The following COX7B2 variants were observed in gnomAD, a reference collection of about 807,000 sequenced individuals.
COX7B2 encodes cytochrome c oxidase subunit 7B2, also known as cytochrome c oxidase subunit 7B2, mitochondrial.
For missense variants in COX7B2, 109 were observed against 95.9 expected (o/e 1.14, Z -0.57); for synonymous variants, 37 against 32.1 (o/e 1.15, Z -0.51).
chr4:46,816,761 A>T (rs148594465), intron 2 of COX7B2, among the ~76,000 whole-genome samples: 158 of 152,326 alleles, frequency 1.0e-3, no homozygotes, highest in African/African-American at 3.6e-3. Context: ...TCTCATTGAT[A>T]GGTTTTCACT....
chr4:46,808,021 A>G (rs1362802806), intron 2 of COX7B2, among the ~76,000 whole-genome samples: 1 of 151,674 alleles, frequency 6.6e-6, no homozygotes, highest in Non-Finnish European at 1.5e-5. Context: ...TTTAAGTTTC[A>G]TATTGGTTTT....
intron 2 of COX7B2, among the ~76,000 whole-genome samples, chr4:46,796,703 C>A (rs1718368002): frequency 2.6e-5 from 1 of 38,914 alleles, no homozygotes; most frequent in Non-Finnish European, 4.4e-5. Flanking sequence ...AAATGTCCAA[C>A]AATGATAGAC....
At chr4:46,883,504 G>A (rs1389348857) in intron 1 of COX7B2, among the ~76,000 whole-genome samples, 1 of 152,036 alleles carries the variant, frequency 6.6e-6, no homozygotes, top group Non-Finnish European at 1.5e-5. Flanking sequence ...GGGAGTCCAA[G>A]GCGAGTGGAT....
intron 2 of COX7B2, among the ~76,000 whole-genome samples, chr4:46,742,807 G>GGT (rs776492880): frequency 1.4e-4 from 21 of 152,098 alleles, no homozygotes; most frequent in Non-Finnish European, 2.5e-4. Flanking sequence ...GGGATATTGA[G>GGT]GTAGGCACTC....
intron 2 of COX7B2, among the ~76,000 whole-genome samples, chr4:46,813,038 A>G (rs1345006788): frequency 6.6e-6 from 1 of 152,100 alleles, no homozygotes; most frequent in Non-Finnish European, 1.5e-5. Context: ...CCCCACAGTT[A>G]AAAGGCTCCA....
chr4:46,875,030 C>T (rs989929551), intron 1 of COX7B2, among the ~76,000 whole-genome samples: 2 of 152,130 alleles, frequency 1.3e-5, no homozygotes, highest in African/African-American at 4.8e-5. Flanking sequence ...GTTTCCAGGA[C>T]TGTGGCTGGG....
At chr4:46,793,960 C>T (rs1718186877) in intron 2 of COX7B2, among the ~76,000 whole-genome samples, 2 of 152,114 alleles carry the variant, frequency 1.3e-5, no homozygotes. Context: ...GTTTTTCCAC[C>T]TCCTAAGGAA....
chr4:46,859,681 T>C (rs1323800019), intron 1 of COX7B2, among the ~76,000 whole-genome samples: 1 of 152,086 alleles, frequency 6.6e-6, no homozygotes. Context: ...AAAGAAACCA[T>C]CCAGAACCAG....
chr4:46,876,823 C>T (rs1718370408), intron 1 of COX7B2: 1 of 152,186 alleles, frequency 6.6e-6, no homozygotes, highest in African/African-American at 2.4e-5. Flanking sequence ...CAATATTCTC[C>T]TTTGTCATTA....
intron 2 of COX7B2, among the ~76,000 whole-genome samples, chr4:46,754,728 G>GTATATATATATATATATATA (rs56248005): frequency 0.015 from 597 of 39,756 alleles, 38 homozygotes; most frequent in African/African-American, 0.022. Context: ...GTGTGTGTGT[G>GTATATATATATATATATATA]TATATATATA....
intron 1 of COX7B2, among the ~76,000 whole-genome samples, chr4:46,847,782 T>G (rs1298809428): frequency 6.6e-6 from 1 of 151,990 alleles, no homozygotes; most frequent in Non-Finnish European, 1.5e-5. Context: ...CTTGCCAGCT[T>G]TCTCAGAGAG....
At chr4:46,851,596 C>T (rs1186925866) in intron 1 of COX7B2, among the ~76,000 whole-genome samples, 2 of 151,980 alleles carry the variant, frequency 1.3e-5, no homozygotes, top group Non-Finnish European at 2.9e-5. Context: ...ACTAATGGCC[C>T]TTTTCTGTTC....
intron 2 of COX7B2, among the ~76,000 whole-genome samples, chr4:46,803,404 T>G (rs1213959237): frequency 1.3e-5 from 2 of 152,148 alleles, no homozygotes; most frequent in East Asian, 3.8e-4. Flanking sequence ...ATTTGTTGTA[T>G]ATTCAAAATT....
intron 1 of COX7B2, among the ~76,000 whole-genome samples, chr4:46,901,684 C>A (rs565219029): frequency 3.3e-5 from 5 of 152,202 alleles, no homozygotes; most frequent in Non-Finnish European, 7.3e-5. Flanking sequence ...TGCGGACTTA[C>A]GTCAGCCAAT....
intron 2 of COX7B2, among the ~76,000 whole-genome samples, chr4:46,835,712 T>C (rs749541056): frequency 4.6e-5 from 7 of 152,194 alleles, no homozygotes; most frequent in Non-Finnish European, 1.0e-4. Flanking sequence ...GTGTACTGTC[T>C]GAAAAAATAT....
At chr4:46,833,056 C>T (rs920494085) in intron 2 of COX7B2, among the ~76,000 whole-genome samples, 2 of 152,130 alleles carry the variant, frequency 1.3e-5, no homozygotes, top group Non-Finnish European at 2.9e-5. Context: ...CAAGCATGTA[C>T]CACGGTGCCC....
chr4:46,844,889 C>T (rs1008739011), intron 2 of COX7B2, 71 bp downstream of exon 2: 1 of 151,772 alleles, frequency 6.6e-6, no homozygotes, highest in Non-Finnish European at 1.5e-5. Flanking sequence ...AATTTCCTAC[C>T]AGAACTTTAA....
chr4:46,832,798 C>G (rs956195515), intron 2 of COX7B2, among the ~76,000 whole-genome samples: 1 of 152,174 alleles, frequency 6.6e-6, no homozygotes, highest in African/African-American at 2.4e-5. Context: ...ACCGTGTGAC[C>G]CACTAGCTCC....
At chr4:46,899,001 C>G (rs1049326826) in intron 1 of COX7B2, among the ~76,000 whole-genome samples, 1 of 152,092 alleles carries the variant, frequency 6.6e-6, no homozygotes, top group Non-Finnish European at 1.5e-5. Flanking sequence ...CTGTATTTTA[C>G]TATGGTGGAG....
Sources: allele counts gnomAD v4.1 joint callset (sites outside exome capture counted in the v4.1 genomes callset), GRCh38; gene constraint gnomAD v4.1.1; transcripts MANE v1.5; gene names NCBI Gene and HGNC (gene_info 2026-07-23, HGNC 2026-07-21).